The following SSBP2 variants were observed in gnomAD, a reference collection of about 807,000 sequenced individuals.
SSBP2 encodes the protein single stranded DNA binding protein 2, also known as single-stranded DNA-binding protein 2.
Under a neutral mutation model 61.8 loss-of-function variants are expected in SSBP2, and 17 were observed. The observed-to-expected ratio is 0.28, with a 90% confidence interval of 0.19 to 0.41. The LOEUF is 0.41. Among genes scored for constraint, SSBP2 ranks in the 10% least tolerant of loss-of-function variants. The pLI is 1.00. For synonymous variants in SSBP2, 139 were observed against 141.3 expected, an observed-to-expected ratio of 0.98 and a Z score of 0.12; for missense variants, 310 against 458.7, an observed-to-expected ratio of 0.68 and a Z score of 2.96.
rs573954515 is a variant in SSBP2 at position 81,596,136 on chromosome 5, A to G, written c.282+19337T>C. Among the ~76,000 whole-genome samples the G allele has an allele frequency of 1.6e-3, 240 of 152,340 alleles. 1 individual carries two copies. The highest frequency in any genetic ancestry group is 5.6e-3 in the African/African-American group (232 of 41,580). On this transcript the variant is annotated intron_variant, in intron 4 of 16. Transcript: ENST00000320672. ...CCTCAAGCTGATAAGCAACTTCAGC[A>G]AAGTCTCAGGATACAAAATCAATCT...
intron 1 of SSBP2, among the ~76,000 whole-genome samples, chr5:81,651,215 T>C (rs1749700208): frequency 6.6e-6 from 1 of 152,118 alleles, no homozygotes. Flanking sequence ...ACACTATATT[T>C]ACCAATATTG....
chr5:81,643,914 A>C (rs535337299), intron 2 of SSBP2, among the ~76,000 whole-genome samples: 2 of 152,200 alleles, frequency 1.3e-5, no homozygotes, highest in Admixed American at 6.5e-5. Flanking sequence ...AAATTTTTAC[A>C]TTTTAATTCA....
chr5:81,437,587 T>A, intron 14 of SSBP2, 129 bp from the exon 15 acceptor site: 1 of 769,458 alleles, frequency 1.3e-6, no homozygotes, highest in East Asian at 2.9e-5. Flanking sequence ...AGTTTTTAAA[T>A]CTGAAAAAAT....
intron 4 of SSBP2, among the ~76,000 whole-genome samples, chr5:81,595,271 C>G (rs1743594493): frequency 6.6e-6 from 1 of 152,178 alleles, no homozygotes; most frequent in Non-Finnish European, 1.5e-5. Flanking sequence ...GACACATACA[C>G]TCTCCCAAGA....
At chr5:81,428,717 G>T in intron 15 of SSBP2, 34 bp from the exon 16 acceptor site, 1 of 1,538,586 alleles carries the variant, frequency 6.5e-7, no homozygotes, top group Non-Finnish European at 9.0e-7. Context: ...AGGCATTGTT[G>T]AAAATTTTAA....
chr5:81,453,330 T>G (rs775561572), intron 10 of SSBP2, among the ~76,000 whole-genome samples: 22 of 150,140 alleles, frequency 1.5e-4, no homozygotes, highest in Non-Finnish European at 2.1e-4. Flanking sequence ...AAAAAAGAGA[T>G]AGAGAAAGAA....
chr5:81,622,616 T>A (rs533238447), intron 3 of SSBP2, among the ~76,000 whole-genome samples: 3 of 151,562 alleles, frequency 2.0e-5, no homozygotes, highest in Non-Finnish European at 4.4e-5. Context: ...ATCAATAATA[T>A]CATCAACACT....
chr5:81,526,388 T>C (rs1281698097), intron 4 of SSBP2, among the ~76,000 whole-genome samples: 1 of 152,042 alleles, frequency 6.6e-6, no homozygotes, highest in Non-Finnish European at 1.5e-5. Flanking sequence ...TAGGGTGATA[T>C]GCCTTCACAT....
At chr5:81,704,147 C>T (rs530181338) in intron 1 of SSBP2, among the ~76,000 whole-genome samples, 3 of 152,274 alleles carry the variant, frequency 2.0e-5, no homozygotes, top group East Asian at 3.9e-4. Flanking sequence ...TTATCTGATG[C>T]TCTTTTGTTC....
chr5:81,489,705 T>A (rs1368960371), intron 5 of SSBP2, among the ~76,000 whole-genome samples: 2 of 152,194 alleles, frequency 1.3e-5, no homozygotes, highest in Admixed American at 1.3e-4. Context: ...TTTGATGGAA[T>A]TGTTTGGTTT....
chr5:81,651,805 T>A (rs1425323344), intron 1 of SSBP2, among the ~76,000 whole-genome samples: 1 of 152,086 alleles, frequency 6.6e-6, no homozygotes, highest in Non-Finnish European at 1.5e-5. Flanking sequence ...TTCAAACACA[T>A]ACCCCACACC....
rs530064604 is a variant in SSBP2 at position 81,690,307 on chromosome 5, G to A, written c.63-39968C>T. On this transcript the variant is annotated intron_variant, in intron 1 of 16. Transcript: ENST00000320672. ...AAACTCTCCAGTCAAAAGTCATAGT[G>A]TAGCTGAGTGGATATAAAAACAAGA... Among the ~76,000 whole-genome samples, 6 of 152,208 alleles carry A rather than the reference G, an allele frequency of 3.9e-5. No individual in the cohort carries two copies. In the South Asian group the frequency reaches 1.2e-3, roughly 31 times the overall value.
chr5:81,601,926 G>A (rs1178474293), intron 4 of SSBP2, among the ~76,000 whole-genome samples: 7 of 152,188 alleles, frequency 4.6e-5, no homozygotes, highest in Non-Finnish European at 1.0e-4. Flanking sequence ...CAAGACAATT[G>A]CAATAGATAC....
intron 4 of SSBP2, among the ~76,000 whole-genome samples, chr5:81,542,825 C>CTCTCTCTCTCTT (rs1342089419): frequency 7.7e-5 from 10 of 129,248 alleles, no homozygotes; most frequent in Middle Eastern, 3.8e-3. Context: ...GTTTCTCTCT[C>CTCTCTCTCTCTT]TCTCTCTCTC....
chr5:81,483,243 G>T (rs1015150251), intron 6 of SSBP2, among the ~76,000 whole-genome samples: 1 of 152,242 alleles, frequency 6.6e-6, no homozygotes, highest in Non-Finnish European at 1.5e-5. Flanking sequence ...AGCACATGCT[G>T]TTGGCTAAAT....
rs1217919387 is a variant in SSBP2, at chr5:81,489,255, T to G, written c.427A>C (p.Asn143His). Residue 143 changes from asparagine to histidine, a missense_variant, in exon 6 of 17, where the codon AAT becomes CAT. Asn to His is a moderately conservative substitution (Grantham distance 68). This residue lies in a region of SSBP2 where 209 missense variants were observed against 286.4 expected (regional missense o/e 0.73). Transcript: ENST00000320672. ...ACATAGCACATAAATCTTACCTGATTAGGTATCCTCAATGGGGGCCTTGGA... is the reference window on the plus strand; with the variant it reads ...ACATAGCACATAAATCTTACCTGATGAGGTATCCTCAATGGGGGCCTTGGA... 6.2e-7 allele frequency: 1 copy of G among 1,608,876 alleles called. No individual in the cohort carries two copies. Among genetic ancestry groups the G allele is most frequent in the African/African-American group, 1.3e-5 (1 of 74,558 alleles).
chr5:81,750,859 C>G, intron 1 of SSBP2, 122 bp downstream of exon 1: 1 of 1,140,640 alleles, frequency 8.8e-7, no homozygotes, highest in Non-Finnish European at 1.3e-6. Context: ...ACCCCTCCCC[C>G]TGCCAGCCCA....
At chr5:81,521,722 C>T (rs889704707) in intron 4 of SSBP2, among the ~76,000 whole-genome samples, 1 of 151,896 alleles carries the variant, frequency 6.6e-6, no homozygotes, top group Non-Finnish European at 1.5e-5. Flanking sequence ...ATAATGTGAA[C>T]CTTTCCAATG....
intron 1 of SSBP2, among the ~76,000 whole-genome samples, chr5:81,699,282 T>C (rs147189979): frequency 1.4e-3 from 208 of 152,344 alleles, no homozygotes; most frequent in African/African-American, 4.8e-3. Flanking sequence ...TGAAGTCTGC[T>C]GCATTGATTG....
Sources: allele counts gnomAD v4.1 joint callset (sites outside exome capture counted in the v4.1 genomes callset), GRCh38; gene constraint gnomAD v4.1.1; regional missense constraint gnomAD v4.1.1; transcripts MANE v1.5; gene names NCBI Gene and HGNC (gene_info 2026-07-23, HGNC 2026-07-21).